The following ADK variants were observed in gnomAD, a reference collection of about 807,000 sequenced individuals.
The protein encoded by ADK is N6,N6-dimethyladenosine kinase.
ADK carries 24 observed loss-of-function variants against 44.7 expected under a neutral mutation model. The ratio of observed to expected loss-of-function variants is 0.54; its 90% CI spans 0.39 to 0.76. ADK has a LOEUF of 0.76. Ranked by LOEUF, ADK falls within the 30% of genes least tolerant of loss-of-function variation. The pLI, the probability that ADK is intolerant of heterozygous loss-of-function variation, is 0.00. For synonymous variants in ADK, 128 were observed against 142.6 expected (o/e 0.90, Z 0.73); for missense variants, 321 against 425.1 (o/e 0.76, Z 2.15).
intron 4 of ADK, among the ~76,000 whole-genome samples, chr10:74,367,904 G>A (rs953534717): frequency 6.6e-6 from 1 of 152,178 alleles, no homozygotes; most frequent in Non-Finnish European, 1.5e-5. Flanking sequence ...GTTCAGGCAT[G>A]AGTTACACTG....
intron 6 of ADK, among the ~76,000 whole-genome samples, chr10:74,517,269 A>G (rs753398594): frequency 6.6e-6 from 1 of 152,118 alleles, no homozygotes; most frequent in African/African-American, 2.4e-5. Flanking sequence ...CTTAAAGCCC[A>G]TCTTCTTTCT....
At chr10:74,312,914 CAAAAAAAAAAAA>C (rs56052959) in intron 3 of ADK, among the ~76,000 whole-genome samples, 1 of 37,820 alleles carries the variant, frequency 2.6e-5, no homozygotes, top group Non-Finnish European at 4.6e-5. Context: ...ATTCTGTCTC[CAAAAAAAAAAAA>C]AAAAAAAAAA....
At chr10:74,240,372 T>TTTTGTGTG (rs150993746) in intron 3 of ADK, among the ~76,000 whole-genome samples, 1 of 147,140 alleles carries the variant, frequency 6.8e-6, no homozygotes, top group Non-Finnish European at 1.5e-5. Context: ...TCCTTTTATT[T>TTTTGTGTG]TGTGTGTGTG....
intron 1 of ADK, among the ~76,000 whole-genome samples, chr10:74,182,478 C>T (rs925151122): frequency 2.0e-5 from 3 of 152,012 alleles, no homozygotes; most frequent in Non-Finnish European, 4.4e-5. Context: ...AAGCAATTAT[C>T]CTCTCTCAGC....
intron 1 of ADK, among the ~76,000 whole-genome samples, chr10:74,181,728 A>G (rs983084980): frequency 3.9e-5 from 6 of 152,210 alleles, no homozygotes; most frequent in South Asian, 2.1e-4. Flanking sequence ...TAATTTATGT[A>G]TTTTTCACTG....
At chr10:74,706,449 A>G (rs1392114988) in intron 10 of ADK, among the ~76,000 whole-genome samples, 1 of 152,164 alleles carries the variant, frequency 6.6e-6, no homozygotes, top group Non-Finnish European at 1.5e-5. Flanking sequence ...GAATTTTTGT[A>G]GATAGTGTAA....
intron 3 of ADK, among the ~76,000 whole-genome samples, chr10:74,266,149 A>G (rs1846204411): frequency 6.6e-6 from 1 of 152,228 alleles, no homozygotes; most frequent in African/African-American, 2.4e-5. Context: ...GTCCAGCAGC[A>G]AAAGGAAGTA....
chr10:74,683,426 A>T (rs149740732), intron 10 of ADK, among the ~76,000 whole-genome samples: 22 of 152,336 alleles, frequency 1.4e-4, no homozygotes, highest in South Asian at 8.3e-4. Context: ...TACAGATATT[A>T]TATCCAGGGT....
At chr10:74,244,959 A>G (rs549454871) in intron 3 of ADK, among the ~76,000 whole-genome samples, 5 of 152,208 alleles carry the variant, frequency 3.3e-5, no homozygotes, top group Non-Finnish European at 7.4e-5. Context: ...AAGTGTTTCT[A>G]GGATTTTAAT....
Position 74,655,149 on chromosome 10 carries a change from C to G in ADK, c.878-15034C>G, listed in dbSNP as rs561632785. The stretch of plus-strand genomic sequence containing the variant: ...AGAAGAAAACCTTCACCCCAAATAT[C>G]ATCAGTCAGAAGAACCCAAGGAAGA... On this transcript the variant is annotated intron_variant, in intron 9 of 10. Transcript: ENST00000539909. 93 of 303,168 alleles carry G rather than the reference C, an allele frequency of 3.1e-4. 1 individual carries two copies. The highest frequency in any genetic ancestry group is 2.3e-3 in the South Asian group (66 of 28,138). The allele number at this position is 303,168 out of a possible 1,614,324, so 18.8% of individuals were successfully genotyped here. A position where few individuals can be genotyped will look rare whatever the true frequency, so the allele number is the denominator to read the frequency against.
At chr10:74,615,346 A>G (rs1852711753) in intron 9 of ADK, among the ~76,000 whole-genome samples, 1 of 152,084 alleles carries the variant, frequency 6.6e-6, no homozygotes, top group Admixed American at 6.5e-5. Context: ...GTTTCTTTTC[A>G]CATCCTGATT....
intron 7 of ADK, among the ~76,000 whole-genome samples, chr10:74,541,654 A>T (rs966850725): frequency 6.6e-6 from 1 of 151,776 alleles, no homozygotes; most frequent in African/African-American, 2.4e-5. Context: ...TTCACCAGGC[A>T]TGATGGCACA....
At chr10:74,163,462 G>T (rs1003463752) in intron 1 of ADK, among the ~76,000 whole-genome samples, 13 of 152,322 alleles carry the variant, frequency 8.5e-5, no homozygotes, top group Non-Finnish European at 1.3e-4. Context: ...AAGGCTGTTT[G>T]CAGTGTAATT....
chr10:74,478,758 C>G (rs141896616), intron 6 of ADK, among the ~76,000 whole-genome samples: 1 of 152,252 alleles, frequency 6.6e-6, no homozygotes, highest in Non-Finnish European at 1.5e-5. Flanking sequence ...TAATACTTAG[C>G]ATATAGCTAA....
intron 6 of ADK, among the ~76,000 whole-genome samples, chr10:74,494,794 C>T (rs529915808): frequency 1.6e-4 from 24 of 152,244 alleles, no homozygotes; most frequent in South Asian, 1.5e-3. Flanking sequence ...TCCCAAATAG[C>T]TAGGATTACA....
chr10:74,200,771 A>G lies in ADK; in HGVS notation c.73A>G (p.Ile25Val). 6.2e-7 allele frequency: 1 copy of G among 1,607,574 alleles called. No homozygotes were observed. The highest frequency in any genetic ancestry group is 8.5e-7 in the Non-Finnish European group (1 of 1,174,718). Residue 25 changes from isoleucine to valine, a missense_variant, in exon 2 of 11, where the codon ATT becomes GTT. By Grantham distance (29) the Ile-to-Val change is conservative. Transcript: ENST00000539909. Reference sequence around the variant, plus strand: ...TGTTTTGTGTTTTTTTAGAGAAAATATTCTCTTTGGAATGGGAAATCCTCT... The same window carrying G: ...TGTTTTGTGTTTTTTTAGAGAAAATGTTCTCTTTGGAATGGGAAATCCTCT... ...VEAPQALREN[I>V]LFGMGNPLLD...
chr10:74,202,554 C>T (rs765163442), intron 2 of ADK, among the ~76,000 whole-genome samples: 8 of 152,198 alleles, frequency 5.3e-5, no homozygotes, highest in Non-Finnish European at 8.8e-5. Flanking sequence ...TTTTCCAAAG[C>T]AGCTGCACTG....
At chr10:74,622,563 G>A (rs997758927) in intron 9 of ADK, among the ~76,000 whole-genome samples, 23 of 152,044 alleles carry the variant, frequency 1.5e-4, no homozygotes, top group African/African-American at 4.8e-5. Flanking sequence ...TACATAGCCC[G>A]AGAAAGTTAA....
intron 7 of ADK, among the ~76,000 whole-genome samples, chr10:74,566,381 ATGTCT>A (rs1480831244): frequency 6.6e-6 from 1 of 151,502 alleles, no homozygotes; most frequent in African/African-American, 2.4e-5. Context: ...TATGTTTTTG[ATGTCT>A]TGTAGAGACA....
Sources: allele counts gnomAD v4.1 joint callset (sites outside exome capture counted in the v4.1 genomes callset), GRCh38; gene constraint gnomAD v4.1.1; transcripts MANE v1.5; gene names NCBI Gene and HGNC (gene_info 2026-07-23, HGNC 2026-07-21).